Variants in RFX4 observed in about 807,000 individuals in gnomAD.
RFX4 encodes the protein regulatory factor X4, also known as transcription factor RFX4.
In RFX4, 10 loss-of-function variants were observed where a neutral mutation model predicts 95.0. The ratio of observed to expected loss-of-function variants is 0.11; its 90% CI spans 0.06 to 0.18. RFX4 has a LOEUF of 0.18. RFX4 is among the 10% of genes least tolerant of loss of function. The probability of loss-of-function intolerance (pLI) is 1.00; values close to 1 mark genes in which losing one functional copy is unlikely to be tolerated. For synonymous variants in RFX4, 321 were observed against 340.7 expected (o/e 0.94, Z 0.64); for missense variants, 640 against 922.0 (o/e 0.69, Z 3.96).
intron 3 of RFX4, among the ~76,000 whole-genome samples, chr12:106,648,612 A>C (rs1407078540): frequency 4.6e-5 from 7 of 150,980 alleles, no homozygotes; most frequent in Admixed American, 4.6e-4. Flanking sequence ...TGTAAAAAAA[A>C]AAAATCCTGT....
At chr12:106,615,941 T>C (rs1478065399) in intron 2 of RFX4, among the ~76,000 whole-genome samples, 1 of 152,240 alleles carries the variant, frequency 6.6e-6, no homozygotes, top group Non-Finnish European at 1.5e-5. Context: ...TTATAATCTT[T>C]GTATTTTTAT....
At chr12:106,617,956 A>G (rs774965959) in intron 2 of RFX4, among the ~76,000 whole-genome samples, 5 of 152,052 alleles carry the variant, frequency 3.3e-5, no homozygotes, top group Non-Finnish European at 7.4e-5. Context: ...TGAACTCCTG[A>G]CCTCAAGTGA....
chr12:106,686,411 C>CA (rs761963281), intron 5 of RFX4, among the ~76,000 whole-genome samples: 3,754 of 62,754 alleles, frequency 0.06, 48 homozygotes, highest in Middle Eastern at 0.081. Context: ...GACTCTGTCT[C>CA]AAAAAAAAAA....
At position 106,642,278 on chromosome 12, in the gene RFX4, A is replaced by G. The variant is rs1009891534; in HGVS notation, c.191+2886A>G. ...ACCTTCCTCAGCCTCTCAAAGTGCT[A>G]GGATTACAGGTGTGAGCCACCGTGC... On this transcript the variant is annotated intron_variant, in intron 3 of 17. Coordinates refer to ENST00000392842, the MANE Select transcript of RFX4 (RefSeq NM_213594.3). 5.9e-5 allele frequency among the ~76,000 whole-genome samples: 9 copies of G among 151,324 alleles called. No individual in the cohort carries two copies. The South Asian group carries it at 1.7e-3, about 28-fold the overall frequency.
intron 16 of RFX4, among the ~76,000 whole-genome samples, chr12:106,749,099 G>C (rs1206091982): frequency 7.3e-6 from 1 of 137,384 alleles, no homozygotes; most frequent in Non-Finnish European, 1.6e-5. Context: ...AAAAAAAAAA[G>C]AAAAGAAAAA....
intron 8 of RFX4, among the ~76,000 whole-genome samples, chr12:106,704,065 CAAAAAAAAAAAAAAAAA>C (rs34213070): frequency 9.8e-5 from 4 of 40,940 alleles, no homozygotes; most frequent in African/African-American, 2.9e-4. Context: ...GACACTGTCT[CAAAAAAAAAAAAAAAAA>C]AAAAAAAAAG....
intron 1 of RFX4, among the ~76,000 whole-genome samples, chr12:106,594,568 G>A (rs958367523): frequency 2.0e-5 from 3 of 152,164 alleles, no homozygotes; most frequent in Non-Finnish European, 4.4e-5. Context: ...TTCTCGCCTC[G>A]GCTGCCTCAC....
chr12:106,676,471 T>G (rs957137936), intron 4 of RFX4, among the ~76,000 whole-genome samples: 1 of 152,198 alleles, frequency 6.6e-6, no homozygotes. Context: ...GGCCTCTAGG[T>G]AGACAGGTAA....
At position 106,666,155 on chromosome 12, in the gene RFX4, A is replaced by G. The variant is rs1483951881; in HGVS notation, c.315+11804A>G. On this transcript the variant is annotated intron_variant, in intron 4 of 17. Transcript: ENST00000392842. Reference sequence around the variant, plus strand: ...GAAGGATAATTTCTAGTGTACAGAAACTTAGGTTGGTAGGTTTTTTCCTCT... The same window carrying G: ...GAAGGATAATTTCTAGTGTACAGAAGCTTAGGTTGGTAGGTTTTTTCCTCT... Among the ~76,000 whole-genome samples, 3 of 151,910 alleles carry G rather than the reference A, an allele frequency of 2.0e-5. No homozygotes were observed. In the East Asian group the frequency reaches 5.8e-4, roughly 29 times the overall value.
chr12:106,676,913 G>A (rs529657797), intron 4 of RFX4, among the ~76,000 whole-genome samples: 9 of 152,268 alleles, frequency 5.9e-5, no homozygotes, highest in South Asian at 4.1e-4. Context: ...ATTCTCATTC[G>A]TCTAGAAGCA....
intron 15 of RFX4, among the ~76,000 whole-genome samples, chr12:106,738,910 T>G (rs1030487608): frequency 2.0e-5 from 3 of 151,334 alleles, no homozygotes; most frequent in Non-Finnish European, 4.4e-5. Context: ...AACAATAGTG[T>G]AAATTGTAAA....
chr12:106,601,327 TCGA>T (rs1376615398), intron 1 of RFX4: 4 of 1,590,094 alleles, frequency 2.5e-6, no homozygotes, highest in Non-Finnish European at 3.4e-6. Flanking sequence ...GGACCAGGCC[TCGA>T]CGGCGCCGTT....
chr12:106,601,803 C>A (rs1029384529), intron 1 of RFX4, among the ~76,000 whole-genome samples: 1 of 152,238 alleles, frequency 6.6e-6, no homozygotes, highest in African/African-American at 2.4e-5. Context: ...GGTCGGCGAA[C>A]TCTTCACCTT....
chr12:106,730,953 C>T (rs1592992121), intron 13 of RFX4, among the ~76,000 whole-genome samples: 1 of 152,000 alleles, frequency 6.6e-6, no homozygotes, highest in Admixed American at 6.6e-5. Flanking sequence ...TGAGTCAAGA[C>T]AGCGCCAATG....
chr12:106,732,213 G>A lies in RFX4; in HGVS notation c.1435G>A (p.Glu479Lys), dbSNP rs765605097. 2.5e-6 allele frequency: 4 copies of A among 1,613,984 alleles called. No individual in the cohort carries two copies. Among genetic ancestry groups the A allele is most frequent in the Non-Finnish European group, 3.4e-6 (4 of 1,179,916 alleles). ...ESLHCQERAN[E>K]LMRAMKGEGS... ...TCTGCACTGTCAGGAGCGGGCCAAT[G>A]AGCTCATGCGAGCCATGAAGGGAGA... The change falls in exon 14 of 18, where the codon GAG becomes AAG. Residue 479 changes from glutamate (E) to lysine (K), a missense_variant. Around this residue, in one of 7 missense-constraint regions of RFX4, gnomAD observed 300 missense variants for 346.8 expected, o/e 0.87. Transcript: ENST00000392842.
Position 106,720,497 on chromosome 12 carries a change from C to A in RFX4, c.1234-262C>A, listed in dbSNP as rs2042375990. On this transcript the variant is annotated intron_variant, in intron 12 of 17. Transcript: ENST00000392842. The surrounding 1 kb of genome is among the most constrained non-coding windows in gnomAD (Gnocchi z 4.2). ...CCCCAGGCTCATGTGATCCTCCCACCTCAGCCTCCTGAGTAGCTGGGACTA... is the reference window on the plus strand; with the variant it reads ...CCCCAGGCTCATGTGATCCTCCCACATCAGCCTCCTGAGTAGCTGGGACTA... 6.6e-6 allele frequency among the ~76,000 whole-genome samples: 1 copy of A among 152,140 alleles called. No individual in the cohort carries two copies. The highest frequency in any genetic ancestry group is 6.5e-5 in the Admixed American group (1 of 15,268).
intron 2 of RFX4, among the ~76,000 whole-genome samples, chr12:106,635,391 C>T (rs2040490068): frequency 6.6e-6 from 1 of 152,132 alleles, no homozygotes; most frequent in Admixed American, 6.5e-5. Flanking sequence ...GATCTCTTTG[C>T]AACCTCCGCC....
intron 8 of RFX4, among the ~76,000 whole-genome samples, chr12:106,706,580 G>A (rs985056322): frequency 6.6e-6 from 1 of 152,196 alleles, no homozygotes; most frequent in African/African-American, 2.4e-5. Context: ...TAAAGAAATT[G>A]TAACTGAATT....
intron 8 of RFX4, among the ~76,000 whole-genome samples, chr12:106,704,844 C>T (rs547529758): frequency 7.3e-5 from 11 of 151,562 alleles, no homozygotes; most frequent in Admixed American, 2.0e-4. Context: ...TGTGTGTGCG[C>T]GTGTGTGTGT....
Sources: allele counts gnomAD v4.1 joint callset (sites outside exome capture counted in the v4.1 genomes callset), GRCh38; gene constraint gnomAD v4.1.1; regional missense constraint gnomAD v4.1.1; non-coding constraint Gnocchi (gnomAD v3.1); transcripts MANE v1.5; gene names NCBI Gene and HGNC (gene_info 2026-07-23, HGNC 2026-07-21).